The following ZSWIM5 variants were observed in gnomAD, a reference collection of about 807,000 sequenced individuals.
ZSWIM5 encodes zinc finger SWIM domain-containing protein 5.
A neutral mutation model predicts 119.6 loss-of-function variants in ZSWIM5; 55 were observed. The ratio of observed to expected loss-of-function variants is 0.46; its 90% confidence interval spans 0.37 to 0.58. ZSWIM5 has a LOEUF of 0.58. ZSWIM5 is among the 20% of genes least tolerant of loss of function. The probability of loss-of-function intolerance (pLI) is 0.00; values close to 1 mark genes in which losing one functional copy is unlikely to be tolerated. For synonymous variants in ZSWIM5, 537 were observed against 606.9 expected, an observed-to-expected ratio of 0.88 and a Z score of 1.69; for missense variants, 1,193 against 1,512.8, an observed-to-expected ratio of 0.79 and a Z score of 3.51.
chr1:45,049,080 G>A (rs1251288082), intron 5 of ZSWIM5, among the ~76,000 whole-genome samples: 3 of 152,136 alleles, frequency 2.0e-5, no homozygotes, highest in African/African-American at 7.2e-5. Context: ...GCAGTGAGAC[G>A]AGATCACGCC....
intron 2 of ZSWIM5, among the ~76,000 whole-genome samples, chr1:45,069,273 A>G (rs541383883): frequency 8.5e-5 from 13 of 152,076 alleles, no homozygotes; most frequent in African/African-American, 3.1e-4. Context: ...AAAAATACAA[A>G]AAATTAGCCG....
In ZSWIM5 at chr1:45,072,798, A is replaced by G. The variant is rs986761422; in HGVS notation, c.953-12551T>C. 6.6e-6 allele frequency among the ~76,000 whole-genome samples: 1 copy of G among 152,016 alleles called. No homozygotes were observed. Among genetic ancestry groups the G allele is most frequent in the Non-Finnish European group, 1.5e-5 (1 of 68,024 alleles). ...TTGGTCTGTGTGTCTATTTTATGACAGTACCATGCTATTTTGGTTACTATA... is the reference window on the plus strand; with the variant it reads ...TTGGTCTGTGTGTCTATTTTATGACGGTACCATGCTATTTTGGTTACTATA... On this transcript the variant is annotated intron_variant, in intron 2 of 13. Transcript: ENST00000359600. The surrounding 1 kb of genome is among the most constrained non-coding windows in gnomAD (Gnocchi z 4.1).
intron 2 of ZSWIM5, among the ~76,000 whole-genome samples, chr1:45,081,920 AT>A (rs1355726237): frequency 6.6e-6 from 1 of 151,996 alleles, no homozygotes; most frequent in Non-Finnish European, 1.5e-5. Context: ...GAGAAATCGG[AT>A]GGTTGCCGTG....
intron 2 of ZSWIM5, among the ~76,000 whole-genome samples, chr1:45,060,755 G>A (rs528415531): frequency 2.0e-5 from 3 of 152,268 alleles, no homozygotes; most frequent in South Asian, 2.1e-4. Context: ...GTTCATGGCA[G>A]CCTCGACCTC....
At chr1:45,061,530 C>T (rs1176485889) in intron 2 of ZSWIM5, among the ~76,000 whole-genome samples, 1 of 151,800 alleles carries the variant, frequency 6.6e-6, no homozygotes, top group African/African-American at 2.4e-5. Context: ...GCCACCATGC[C>T]TGGCTAATTT....
chr1:45,203,315 G>C (rs1646168838), intron 1 of ZSWIM5, among the ~76,000 whole-genome samples: 3 of 151,812 alleles, frequency 2.0e-5, no homozygotes, highest in Admixed American at 6.5e-5. Flanking sequence ...GTTTTTGTTT[G>C]TTTTTAATTT....
chr1:45,127,800 T>A (rs1276095694), intron 1 of ZSWIM5, among the ~76,000 whole-genome samples: 2 of 151,962 alleles, frequency 1.3e-5, no homozygotes, highest in Non-Finnish European at 2.9e-5. Context: ...GATGAACATA[T>A]GAAAAATAAA....
intron 2 of ZSWIM5, among the ~76,000 whole-genome samples, chr1:45,062,303 C>A (rs1033551560): frequency 6.6e-6 from 1 of 152,128 alleles, no homozygotes. Context: ...TATGTCAGAA[C>A]TCTGCTTAAA....
chr1:45,106,084 C>A (rs545053598), intron 1 of ZSWIM5, among the ~76,000 whole-genome samples: 2 of 139,858 alleles, frequency 1.4e-5, no homozygotes, highest in Non-Finnish European at 3.1e-5. Context: ...CGCCTCTGCA[C>A]GGCCGCCCCG....
chr1:45,159,853 T>G (rs1325914874), intron 1 of ZSWIM5, among the ~76,000 whole-genome samples: 1 of 152,192 alleles, frequency 6.6e-6, no homozygotes, highest in Non-Finnish European at 1.5e-5. Context: ...CCTCCCAAAG[T>G]GCTGGGATTA....
chr1:45,088,384 G>A lies in ZSWIM5; in HGVS notation c.596-147C>T. On this transcript the variant is annotated intron_variant, in intron 1 of 13. Transcript: ENST00000359600. This position sits in a 1 kb window ranked among gnomAD's most constrained non-coding sequence, Gnocchi z 4.2. ...GATAGGCTTTGCCACAGACACAGAG[G>A]TCAATGAAATTCAGTTACTGCTCTG... 1.6e-6 allele frequency: 1 copy of A among 615,042 alleles called. No homozygotes were observed. Among genetic ancestry groups the A allele is most frequent in the Non-Finnish European group, 2.8e-6 (1 of 363,620 alleles). 38.1% of individuals were successfully genotyped at this position (615,042 alleles called of 1,614,324 possible). A position where few individuals can be genotyped will look rare whatever the true frequency, so the allele number is the denominator to read the frequency against.
chr1:45,029,865 A>C (rs1644941698), intron 11 of ZSWIM5, among the ~76,000 whole-genome samples: 1 of 152,188 alleles, frequency 6.6e-6, no homozygotes, highest in Non-Finnish European at 1.5e-5. Context: ...GCTATTATGA[A>C]TAATGTTATT....
intron 11 of ZSWIM5, among the ~76,000 whole-genome samples, 161 bp from the exon 12 acceptor site, chr1:45,020,949 T>A (rs1188544883): frequency 1.3e-5 from 2 of 152,218 alleles, no homozygotes; most frequent in Non-Finnish European, 2.9e-5. Context: ...CTAATCACAT[T>A]TGAGGCTCCT....
chr1:45,157,040 C>G (rs1385001727), intron 1 of ZSWIM5, among the ~76,000 whole-genome samples: 1 of 152,102 alleles, frequency 6.6e-6, no homozygotes, highest in East Asian at 1.9e-4. Flanking sequence ...CCCTCATGCC[C>G]TTGTCAATCC....
chr1:45,090,469 G>A (rs1464336090), intron 1 of ZSWIM5, among the ~76,000 whole-genome samples: 1 of 152,044 alleles, frequency 6.6e-6, no homozygotes, highest in African/African-American at 2.4e-5. Context: ...AACTAAGAAA[G>A]CTGGGCAACA....
At chr1:45,055,115 C>T (rs1038831678) in intron 4 of ZSWIM5, among the ~76,000 whole-genome samples, 3 of 152,278 alleles carry the variant, frequency 2.0e-5, no homozygotes, top group South Asian at 2.1e-4. Context: ...CTCAGCCTCC[C>T]GAGTAGCTGG....
intron 8 of ZSWIM5, among the ~76,000 whole-genome samples, chr1:45,037,914 T>C (rs2050868): frequency 0.99 from 150,210 of 152,334 alleles, 74,090 homozygotes; most frequent in East Asian, 1. Context: ...CTCATCTATC[T>C]AATAAGTATT....
chr1:45,079,529 T>G (rs929740040), intron 2 of ZSWIM5, among the ~76,000 whole-genome samples: 1 of 152,124 alleles, frequency 6.6e-6, no homozygotes, highest in Non-Finnish European at 1.5e-5. Flanking sequence ...CACTCCCCAG[T>G]GGCCCAGGGC....
rs1437439109 is a variant in ZSWIM5 at position 45,048,089 on chromosome 1, T to C, written c.1432+2985A>G. 2.1e-4 allele frequency among the ~76,000 whole-genome samples: 31 copies of C among 147,358 alleles called. 1 individual carries two copies. In the East Asian group the frequency reaches 3.2e-3, roughly 15 times the overall value. On this transcript the variant is annotated intron_variant, in intron 5 of 13. Coordinates refer to ENST00000359600, the MANE Select transcript of ZSWIM5 (RefSeq NM_020883.2). ...TCTTTCCTTTTCTTTTCTCTTTTTT[T>C]TTTTTTTTTTTTGAGACAGGGTCTC...
Sources: gnomAD v4.1 joint callset for allele counts (sites outside exome capture counted in the v4.1 genomes callset) on GRCh38, gnomAD v4.1.1 for gene constraint, Gnocchi (gnomAD v3.1) non-coding constraint, MANE v1.5 for transcripts, NCBI Gene and HGNC (gene_info 2026-07-23, HGNC 2026-07-21) for gene names.